The following DUS3L variants were observed in gnomAD, a reference collection of about 807,000 sequenced individuals.
DUS3L encodes the protein dihydrouridine synthase 3 like, also known as tRNA-dihydrouridine(47) synthase [NAD(P)(+)]-like.
A neutral mutation model predicts 74.6 loss-of-function variants in DUS3L; 62 were observed. That is an observed-to-expected ratio of 0.83 (90% CI 0.68 to 1.03). DUS3L has a LOEUF of 1.03. DUS3L is among the 50% of genes least tolerant of loss of function. DUS3L has a pLI of 0.00. For missense variants in DUS3L, 884 were observed against 924.4 expected (o/e 0.96, Z 0.57); for synonymous variants, 433 against 395.7 (o/e 1.09, Z -1.12).
At chr19:5,785,859 C>T in intron 10 of DUS3L, 68 bp from the exon 11 acceptor site, 12 of 1,470,702 alleles carry the variant, frequency 8.2e-6, no homozygotes, top group Non-Finnish European at 1.1e-5. Context: ...CCTCTGCTTC[C>T]ATGGCCTGGC....
In DUS3L at chr19:5,788,340, C is replaced by A; in HGVS notation, c.942+17G>T. The A allele has an allele frequency of 1.2e-6, 2 of 1,613,752 alleles. No homozygotes were observed. Among genetic ancestry groups the A allele is most frequent in the Non-Finnish European group, 1.7e-6 (2 of 1,180,010 alleles). ...TGCCACCCTGCCACCCGACCAGCCA[C>A]CTGACCCAGGTCCTACCGTGGTGAG... On this transcript the variant is annotated intron_variant, in intron 4 of 12. Transcript: ENST00000309061.
Position 5,787,610 on chromosome 19 carries a change from G to A in DUS3L, c.1191C>T (p.Pro397=), listed in dbSNP as rs778578540. The A allele has an allele frequency of 6.2e-7, 1 of 1,613,632 alleles. No homozygotes were observed. The highest frequency in any genetic ancestry group is 1.7e-5 in the Admixed American group (1 of 60,016). The change falls in exon 6 of 13, where the codon CCC becomes CCT. Residue 397 remains proline, a synonymous_variant. Transcript: ENST00000309061. The stretch of plus-strand genomic sequence containing the variant: ...CTACCTTCTTGTACACGAGGTCGAT[G>A]GGGCAGCCGACGTTGATGTCCACAA... ...VDFVDINVGC[P]IDLVYKKGGG...
In DUS3L at chr19:5,787,455, G is replaced by A. The variant is rs556910339; in HGVS notation, c.1213-94C>T. 11 of 1,519,626 alleles carry A rather than the reference G, an allele frequency of 7.2e-6. No individual in the cohort carries two copies. In the Admixed American group the frequency reaches 1.0e-4, roughly 14 times the overall value. 94.1% of individuals were successfully genotyped at this position (1,519,626 alleles called of 1,614,324 possible). ...CCGGAGGCCCCCACCAGGAGACGCC[G>A]ACCTGCAGGAAAGGCAGGGACTCCA... On this transcript the variant is annotated intron_variant, in intron 6 of 12. Coordinates refer to ENST00000309061, the MANE Select transcript of DUS3L (RefSeq NM_020175.3).
At position 5,790,354 on chromosome 19, in the gene DUS3L, A is replaced by AG; in HGVS notation, c.99-20dup. ...GAGGTATCTGCCGACAGAAAGGGAA[A>AG]GGAAAACCCTCCGAACATAGTCAAT... On this transcript the variant is annotated intron_variant, in intron 1 of 12. Transcript: ENST00000309061. 1.2e-6 allele frequency: 2 copies of AG among 1,613,638 alleles called. No homozygotes were observed. The highest frequency in any genetic ancestry group is 2.2e-5 in the South Asian group (2 of 91,080).
chr19:5,790,415 G>A (rs2056898688), intron 1 of DUS3L, 80 bp from the exon 2 acceptor site: 13 of 1,548,560 alleles, frequency 8.4e-6, no homozygotes, highest in Non-Finnish European at 1.1e-5. Context: ...ACACTTGCAC[G>A]TCCTTAAATC....
chr19:5,788,372 C>T lies in DUS3L; in HGVS notation c.927G>A (p.Leu309=). ...KRLDIRGKLY[L]APLTTCGNLP... ...CAGGTCCTACCGTGGTGAGGGGGGC[C>T]AGGTAAAGTTTGCCACGGATGTCCA... Residue 309 remains leucine, a synonymous_variant, in exon 4 of 13, where the codon CTG becomes CTA. Coordinates refer to ENST00000309061, the MANE Select transcript of DUS3L (RefSeq NM_020175.3). 3 of 1,613,736 alleles carry T rather than the reference C, an allele frequency of 1.9e-6. No individual in the cohort carries two copies. Among genetic ancestry groups the T allele is most frequent in the Non-Finnish European group, 2.5e-6 (3 of 1,179,984 alleles).
intron 4 of DUS3L, 46 bp from the exon 5 acceptor site, chr19:5,788,222 C>T (rs1381243721): frequency 2.5e-6 from 4 of 1,609,336 alleles, no homozygotes; most frequent in Non-Finnish European, 3.4e-6. Flanking sequence ...CACGCGCACA[C>T]ACACACACAC....
At position 5,790,086 on chromosome 19, in the gene DUS3L, C is replaced by T. The variant is rs148545392; in HGVS notation, c.348G>A (p.Thr116=). ...QNKGRPHVKP[T]NYDKNRLCPS... ...GACACAGCCTGTTCTTGTCGTAGTT[C>T]GTGGGCTTCACATGGGGCCGGCCCT... is the stretch of plus-strand genomic sequence containing the variant. Residue 116 remains threonine, a synonymous_variant, in exon 2 of 13, where the codon ACG becomes ACA. Transcript: ENST00000309061. 2.2e-5 allele frequency: 35 copies of T among 1,614,044 alleles called. No homozygotes were observed. Among genetic ancestry groups the T allele is most frequent in the East Asian group, 1.3e-4 (6 of 44,896 alleles).
At chr19:5,787,742 G>A (rs959206399) in intron 5 of DUS3L, 37 bp from the exon 6 acceptor site, 5 of 1,602,974 alleles carry the variant, frequency 3.1e-6, no homozygotes, top group Middle Eastern at 1.6e-4. Context: ...AGGGTGAGGG[G>A]AGAGTCCGAA....
At position 5,791,025 on chromosome 19, in the gene DUS3L, T is replaced by C; in HGVS notation, c.98+19A>G. On this transcript the variant is annotated intron_variant, in intron 1 of 12. Coordinates refer to ENST00000309061, the MANE Select transcript of DUS3L (RefSeq NM_020175.3). ...GCCGGAAAAGGCCCTTCAGCTTCCC[T>C]CCTGCCCCGGCGACTCACTGACGCT... 1 of 1,582,414 alleles carries C rather than the reference T, an allele frequency of 6.3e-7. No homozygotes were observed.
intron 1 of DUS3L, 43 bp downstream of exon 1, chr19:5,791,001 C>A (rs566333414): frequency 1.9e-6 from 3 of 1,545,844 alleles, no homozygotes; most frequent in Non-Finnish European, 1.8e-6. Context: ...GCTATGGGTG[C>A]CGGAAAAGGC....
At position 5,785,681 on chromosome 19, in the gene DUS3L, A is replaced by G. The variant is rs2056834791; in HGVS notation, c.1673T>C (p.Leu558Pro). Residue 558 changes from leucine to proline, a missense_variant, in exon 11 of 13, where the codon CTG becomes CCG. By Grantham distance (98) the Leu-to-Pro change is moderately conservative (BLOSUM62 -3). Coordinates refer to ENST00000309061, the MANE Select transcript of DUS3L (RefSeq NM_020175.3). ...DILRDFTNYG[L>P]EHWGSDTQGV... ...CTGCGTGTCCGAGCCCCAGTGCTCC[A>G]GGCCGTAGTTGGTGAAGTCCCGCAG... The G allele has an allele frequency of 1.9e-6, 3 of 1,612,664 alleles. No individual in the cohort carries two copies. The African/African-American group carries it at 4.0e-5, about 21-fold the overall frequency.
In DUS3L at chr19:5,785,635, G is replaced by A. The variant is rs1179643100; in HGVS notation, c.1719C>T (p.Arg573=). 1 of 1,611,058 alleles carries A rather than the reference G, an allele frequency of 6.2e-7. No homozygotes were observed. Among genetic ancestry groups the A allele is most frequent in the South Asian group, 1.1e-5 (1 of 90,966 alleles). Residue 573 remains arginine, a synonymous_variant, in exon 11 of 13, where the codon CGC becomes CGT. Coordinates refer to ENST00000309061, the MANE Select transcript of DUS3L (RefSeq NM_020175.3). The part of the protein sequence containing the change: ...SDTQGVEKTR[R]FLLEWLSFLC... ...GGAAGGACAGCCACTCGAGCAGAAA[G>A]CGCCGGGTCTTCTCCACGCCCTGCG...
At chr19:5,787,435 G>A (rs1041448322) in intron 6 of DUS3L, 74 bp from the exon 7 acceptor site, 1 of 1,562,670 alleles carries the variant, frequency 6.4e-7, no homozygotes, top group African/African-American at 1.4e-5. Context: ...GCTGCCCGGA[G>A]GCCCCCACCA....
chr19:5,787,492 G>A, intron 6 of DUS3L, 97 bp downstream of exon 6: 4 of 1,523,988 alleles, frequency 2.6e-6, no homozygotes, highest in Non-Finnish European at 2.7e-6. Flanking sequence ...GGCCACACTT[G>A]AGCCCAAACC....
chr19:5,786,649 G>C (rs1377314398), intron 9 of DUS3L, 100 bp downstream of exon 9: 1 of 1,571,884 alleles, frequency 6.4e-7, no homozygotes, highest in East Asian at 2.3e-5. Flanking sequence ...GCTCCCATCA[G>C]GGTGGTACGA....
In DUS3L at chr19:5,785,795, T is replaced by C. The variant is rs2056836132; in HGVS notation, c.1563-4A>G. On this transcript the variant is annotated splice_region_variant and splice_polypyrimidine_tract_variant and intron_variant, in intron 10 of 12. Transcript: ENST00000309061. The stretch of plus-strand genomic sequence containing the variant: ...CCACGGCTTGAGCAGGGCGCCACTG[T>C]GGGACGGGTGACGATCAGTGGGCCC... The C allele has an allele frequency of 6.3e-7, 1 of 1,581,054 alleles. No individual in the cohort carries two copies.
At chr19:5,787,997 T>G (rs1383589492) in intron 5 of DUS3L, 27 bp downstream of exon 5, 1 of 1,609,038 alleles carries the variant, frequency 6.2e-7, no homozygotes, top group East Asian at 2.2e-5. Context: ...GCCCCTCCAC[T>G]CTCCCTCCCT....
At chr19:5,787,234 G>GTGGGAGACAGTGGCAGACA (rs2056861524) in intron 7 of DUS3L, 62 bp downstream of exon 7, 3 of 325,904 alleles carry the variant, frequency 9.2e-6, no homozygotes, top group African/African-American at 7.8e-5. Context: ...GGTGGGAGGT[G>GTGGGAGACAGTGGCAGACA]GTGGGAGACA....
Sources: gnomAD v4.1 joint callset for allele counts on GRCh38, gnomAD v4.1.1 for gene constraint, MANE v1.5 for transcripts, NCBI Gene and HGNC (gene_info 2026-07-23, HGNC 2026-07-21) for gene names.